Variants in MINDY2 observed in about 807,000 individuals in gnomAD.
MINDY2 encodes ubiquitin carboxyl-terminal hydrolase MINDY-2.
A neutral mutation model predicts 68.2 loss-of-function variants in MINDY2; 52 were observed. The observed-to-expected ratio is 0.76, with a 90% CI of 0.61 to 0.96. The LOEUF (loss-of-function observed/expected upper bound fraction) is 0.96, where lower values mean the gene tolerates loss of function less well. Ranked by LOEUF, MINDY2 falls within the 40% of genes least tolerant of loss-of-function variation. MINDY2 has a pLI of 0.00. For synonymous variants in MINDY2, 372 were observed against 303.0 expected, an observed-to-expected ratio of 1.23 and a Z score of -2.36; for missense variants, 881 against 773.4, an observed-to-expected ratio of 1.14 and a Z score of -1.65.
chr15:58,840,424 G>A (rs1252836295), intron 6 of MINDY2, among the ~76,000 whole-genome samples: 1 of 151,870 alleles, frequency 6.6e-6, no homozygotes, highest in African/African-American at 2.4e-5. Context: ...ATCCATCTCT[G>A]TTAGTTATTA....
At chr15:58,849,293 G>C (rs2032699391) in intron 7 of MINDY2, among the ~76,000 whole-genome samples, 1 of 151,714 alleles carries the variant, frequency 6.6e-6, no homozygotes, top group African/African-American at 2.4e-5. Flanking sequence ...ACGAGGTCGG[G>C]AGATCAAGAC....
In MINDY2 at chr15:58,854,612, A is replaced by G; in HGVS notation, c.*2A>G. ...AAAAATAGCTGTGTTATTTTGTAACAAGTGTTGGCTTCTGTTGGAACCACC... is the reference window on the plus strand; with the variant it reads ...AAAAATAGCTGTGTTATTTTGTAACGAGTGTTGGCTTCTGTTGGAACCACC... On this transcript the variant is annotated 3_prime_UTR_variant, in exon 9 of 9. Coordinates refer to ENST00000559228, the MANE Select transcript of MINDY2 (RefSeq NM_001040450.3). 10 of 1,605,050 alleles carry G rather than the reference A, an allele frequency of 6.2e-6. No homozygotes were observed. Among genetic ancestry groups the G allele is most frequent in the Non-Finnish European group, 7.6e-6 (9 of 1,179,260 alleles).
rs114941356 is a variant in MINDY2, at chr15:58,807,662, C to T, written c.964-2568C>T. On this transcript the variant is annotated intron_variant, in intron 3 of 8. Coordinates refer to ENST00000559228, the MANE Select transcript of MINDY2 (RefSeq NM_001040450.3). Reference sequence around the variant, plus strand: ...ACAGGCGTGAGCCATTGCGCCCGGCCTAAAATAGTCTTTATTCCAGATGTA... The same window carrying T: ...ACAGGCGTGAGCCATTGCGCCCGGCTTAAAATAGTCTTTATTCCAGATGTA... 2.2e-3 allele frequency among the ~76,000 whole-genome samples: 341 copies of T among 152,230 alleles called. 3 individuals are homozygous for T. The highest frequency in any genetic ancestry group is 7.6e-3 in the African/African-American group (317 of 41,536).
At chr15:58,813,525 C>T (rs1367451118) in intron 4 of MINDY2, among the ~76,000 whole-genome samples, 1 of 152,066 alleles carries the variant, frequency 6.6e-6, no homozygotes, top group East Asian at 1.9e-4. Context: ...TGTACAGGTA[C>T]GTTTTTCATT....
At chr15:58,823,813 T>A (rs1056585988) in intron 5 of MINDY2, among the ~76,000 whole-genome samples, 1 of 152,212 alleles carries the variant, frequency 6.6e-6, no homozygotes, top group African/African-American at 2.4e-5. Flanking sequence ...AAGTATATTC[T>A]CTCAATTAAC....
Position 58,858,045 on chromosome 15 carries a change from AAAG to A in MINDY2, c.*3438_*3440del, listed in dbSNP as rs2140887095. On this transcript the variant is annotated 3_prime_UTR_variant, in exon 9 of 9. Coordinates refer to ENST00000559228, the MANE Select transcript of MINDY2 (RefSeq NM_001040450.3). ...TTTCATGACCTCTGTTAGATTCTCA[AAAG>A]AATTCAGAACTTCAATTTAAGAATC... 1 of 152,324 alleles carries A rather than the reference AAAG, an allele frequency of 6.6e-6. No homozygotes were observed. The highest frequency in any genetic ancestry group is 6.5e-5 in the Admixed American group (1 of 15,300). The allele number at this position is 152,324 out of a possible 1,614,324, so 9.4% of individuals were successfully genotyped here.
At chr15:58,795,130 C>T (rs1474698561) in intron 2 of MINDY2, among the ~76,000 whole-genome samples, 1 of 151,714 alleles carries the variant, frequency 6.6e-6, no homozygotes, top group African/African-American at 2.4e-5. Context: ...GTACCGAGAT[C>T]GCGCTACTGC....
At position 58,857,875 on chromosome 15, in the gene MINDY2, A is replaced by G. The variant is rs970155972; in HGVS notation, c.*3265A>G. On this transcript the variant is annotated 3_prime_UTR_variant, in exon 9 of 9. Transcript: ENST00000559228. The stretch of plus-strand genomic sequence containing the variant: ...TTCCTTTTACTTTCAGAGTCTAAGT[A>G]TATTCCTTAAGGTTAGTAACCAGTC... 8.5e-5 allele frequency: 13 copies of G among 152,324 alleles called. No homozygotes were observed. The East Asian group carries it at 2.1e-3, about 25-fold the overall frequency. The allele number at this position is 152,324 out of a possible 1,614,324, so 9.4% of individuals were successfully genotyped here.
At position 58,857,547 on chromosome 15, in the gene MINDY2, A is replaced by AAAAG. The variant is rs2033101376; in HGVS notation, c.*2940_*2941insGAAA. ...AGACTCCGTCTCAAAAAAAAAAAAA[A>AAAAG]AAAAAAAATTAGAGCTATTGTGTCT... On this transcript the variant is annotated 3_prime_UTR_variant, in exon 9 of 9. Transcript: ENST00000559228. 1 of 151,874 alleles carries AAAAG rather than the reference A, an allele frequency of 6.6e-6. No individual in the cohort carries two copies. The highest frequency in any genetic ancestry group is 2.4e-5 in the African/African-American group (1 of 41,352). The allele number at this position is 151,874 out of a possible 1,614,324, so 9.4% of individuals were successfully genotyped here.
At chr15:58,796,315 T>C (rs1207656265) in intron 2 of MINDY2, 21 of 341,764 alleles carry the variant, frequency 6.1e-5, no homozygotes, top group Non-Finnish European at 1.2e-4. Context: ...GGTGGAAATA[T>C]GTAAGGCATA....
chr15:58,825,187 C>T (rs552199644), intron 5 of MINDY2, among the ~76,000 whole-genome samples: 3 of 152,240 alleles, frequency 2.0e-5, no homozygotes, highest in African/African-American at 4.8e-5. Flanking sequence ...ATAAGAAATA[C>T]ATTCACTAAC....
chr15:58,810,495 T>C (rs2030160949), intron 4 of MINDY2, 107 bp downstream of exon 4: 5 of 1,131,728 alleles, frequency 4.4e-6, no homozygotes, highest in Admixed American at 3.2e-5. Context: ...TTTTGTACTT[T>C]TGCCTGGAAT....
intron 7 of MINDY2, among the ~76,000 whole-genome samples, chr15:58,849,254 G>A (rs2032696310): frequency 6.6e-6 from 1 of 151,736 alleles, no homozygotes; most frequent in Admixed American, 6.6e-5. Flanking sequence ...TATAGTCGCA[G>A]CACTTTGGGA....
chr15:58,831,727 G>GATTTT, intron 5 of MINDY2, 47 bp from the exon 6 acceptor site: 1 of 1,537,072 alleles, frequency 6.5e-7, no homozygotes, highest in Non-Finnish European at 8.8e-7. Context: ...ATAACTTTTT[G>GATTTT]ATTTTGAAAT....
intron 2 of MINDY2, among the ~76,000 whole-genome samples, chr15:58,791,392 C>T (rs1372305769): frequency 6.6e-6 from 1 of 151,310 alleles, no homozygotes; most frequent in Non-Finnish European, 1.5e-5. Context: ...AATGTAGCTC[C>T]TGTCTTGAGC....
chr15:58,847,420 C>G lies in MINDY2; in HGVS notation c.1492C>G (p.Pro498Ala). ...FCDSEFHLRP[P>A]SDPETVYKGQ... is the part of the protein sequence containing the mutation. ...TGACTCAGAATTTCATCTTCGACCTCCTTCAGATCCTGAAACTGTATACAA... is the reference window on the plus strand; with the variant it reads ...TGACTCAGAATTTCATCTTCGACCTGCTTCAGATCCTGAAACTGTATACAA... The change falls in exon 7 of 9, where the codon CCT (proline) becomes GCT (alanine). Residue 498 changes from proline to alanine, a missense_variant. Coordinates refer to ENST00000559228, the MANE Select transcript of MINDY2 (RefSeq NM_001040450.3). 1 of 1,605,192 alleles carries G rather than the reference C, an allele frequency of 6.2e-7. No homozygotes were observed. Among genetic ancestry groups the G allele is most frequent in the Non-Finnish European group, 8.5e-7 (1 of 1,173,500 alleles).
At chr15:58,846,255 C>T (rs1425302769) in intron 6 of MINDY2, among the ~76,000 whole-genome samples, 1 of 151,926 alleles carries the variant, frequency 6.6e-6, no homozygotes, top group Non-Finnish European at 1.5e-5. Flanking sequence ...GGCTGGATAC[C>T]ACATTTACCC....
At chr15:58,782,589 A>T (rs1901217544) in intron 1 of MINDY2, among the ~76,000 whole-genome samples, 1 of 152,138 alleles carries the variant, frequency 6.6e-6, no homozygotes, top group African/African-American at 2.4e-5. Context: ...ATCGTGCTTC[A>T]CTTTTCACTG....
intron 1 of MINDY2, among the ~76,000 whole-genome samples, chr15:58,778,820 T>C (rs1295342540): frequency 4.8e-5 from 7 of 147,092 alleles, no homozygotes; most frequent in Non-Finnish European, 1.0e-4. Flanking sequence ...CTTTTTTTTT[T>C]TTTTTTTTTT....
Sources: gnomAD v4.1 joint callset for allele counts (sites outside exome capture counted in the v4.1 genomes callset) on GRCh38, gnomAD v4.1.1 for gene constraint, MANE v1.5 for transcripts, NCBI Gene and HGNC (gene_info 2026-07-23, HGNC 2026-07-21) for gene names.